Variants in ERBIN observed in about 807,000 individuals in gnomAD.
ERBIN encodes the protein erbb2 interacting protein.
Under a neutral mutation model 158.4 loss-of-function variants are expected in ERBIN, and 60 were observed. That is an observed-to-expected ratio of 0.38 (90% CI 0.31 to 0.47). The LOEUF is 0.47. ERBIN is among the 20% of genes least tolerant of loss of function. ERBIN has a pLI of 0.99. For synonymous variants in ERBIN, 594 were observed against 557.2 expected, an observed-to-expected ratio of 1.07 and a Z score of -0.93; for missense variants, 1,610 against 1,648.0, an observed-to-expected ratio of 0.98 and a Z score of 0.40.
intron 7 of ERBIN, among the ~76,000 whole-genome samples, chr5:66,019,621 G>T (rs1195389606): frequency 3.3e-5 from 5 of 152,104 alleles, no homozygotes; most frequent in Non-Finnish European, 7.4e-5. Context: ...AGTTGAGGTG[G>T]AGACTCTTTT....
chr5:66,004,387 T>G (rs534354866), intron 4 of ERBIN, among the ~76,000 whole-genome samples: 1 of 151,982 alleles, frequency 6.6e-6, no homozygotes, highest in Non-Finnish European at 1.5e-5. Flanking sequence ...TGCGTGTGTG[T>G]GTGCGCGCGC....
At chr5:65,962,113 G>GT (rs947476184) in intron 1 of ERBIN, among the ~76,000 whole-genome samples, 22 of 152,268 alleles carry the variant, frequency 1.4e-4, no homozygotes, top group African/African-American at 5.1e-4. Context: ...ATTGTTATTT[G>GT]TAAATGTATA....
chr5:65,929,182 T>C (rs1334702313), intron 1 of ERBIN, among the ~76,000 whole-genome samples: 1 of 152,234 alleles, frequency 6.6e-6, no homozygotes, highest in East Asian at 1.9e-4. Context: ...GTGATAACTA[T>C]AGATACATTA....
intron 7 of ERBIN, 31 bp downstream of exon 7, chr5:66,014,756 T>C: frequency 3.6e-6 from 4 of 1,096,330 alleles, no homozygotes; most frequent in Non-Finnish European, 5.1e-6. Context: ...TTAAAAAACT[T>C]AATTTATAAT....
chr5:66,076,997 T>C lies in ERBIN; in HGVS notation c.4131+48T>C, dbSNP rs1486261270. On this transcript the variant is annotated intron_variant, in intron 25 of 25. Transcript: ENST00000284037. ...TTTTTCATTTTATAACACTCTAATG[T>C]TTTCACAGTTTAAAATGTTTTCACT... 4.6e-6 allele frequency: 6 copies of C among 1,306,350 alleles called. No individual in the cohort carries two copies. The East Asian group carries it at 7.2e-5, about 16-fold the overall frequency. 80.9% of individuals were successfully genotyped at this position (1,306,350 alleles called of 1,614,324 possible). A position where few individuals can be genotyped will look rare whatever the true frequency, so the allele number is the denominator to read the frequency against.
chr5:65,978,394 G>A (rs910191506), intron 1 of ERBIN, among the ~76,000 whole-genome samples: 1 of 152,040 alleles, frequency 6.6e-6, no homozygotes, highest in Non-Finnish European at 1.5e-5. Context: ...AAAAAAAATT[G>A]AGGCTCTCTT....
chr5:66,014,806 C>T, intron 7 of ERBIN, 81 bp downstream of exon 7: 2 of 639,386 alleles, frequency 3.1e-6, no homozygotes, highest in Admixed American at 3.9e-5. Context: ...ATTTTTATTA[C>T]CTAAAATGTG....
chr5:66,006,982 C>T (rs1309848282), intron 4 of ERBIN, among the ~76,000 whole-genome samples: 6 of 82,324 alleles, frequency 7.3e-5, no homozygotes, highest in Non-Finnish European at 1.1e-4. Context: ...GTCAGTGTGG[C>T]GATTCCTTAG....
chr5:66,035,322 A>G (rs1008660311), intron 14 of ERBIN, among the ~76,000 whole-genome samples: 1 of 152,144 alleles, frequency 6.6e-6, no homozygotes, highest in South Asian at 2.1e-4. Flanking sequence ...AAAATTGAGT[A>G]TACCACGTTC....
intron 22 of ERBIN, among the ~76,000 whole-genome samples, chr5:66,073,396 A>G (rs1411116267): frequency 2.0e-5 from 3 of 150,048 alleles, no homozygotes; most frequent in Non-Finnish European, 4.4e-5. Context: ...CAAGTAATAA[A>G]CAGGTTTTTT....
chr5:65,927,913 G>A (rs1035106010), intron 1 of ERBIN, among the ~76,000 whole-genome samples: 1 of 151,808 alleles, frequency 6.6e-6, no homozygotes, highest in Non-Finnish European at 1.5e-5. Context: ...TTTTTTTCCC[G>A]GTATTTTTGC....
chr5:66,037,044 A>T (rs1008064601), intron 14 of ERBIN, among the ~76,000 whole-genome samples: 1 of 152,192 alleles, frequency 6.6e-6, no homozygotes, highest in Admixed American at 6.5e-5. Flanking sequence ...AACAATTACA[A>T]CAGTTTTAGA....
intron 7 of ERBIN, among the ~76,000 whole-genome samples, chr5:66,019,113 A>C (rs760150703): frequency 1.3e-5 from 2 of 152,144 alleles, no homozygotes; most frequent in Admixed American, 1.3e-4. Flanking sequence ...AGATTTTTCT[A>C]GGTATAAGAT....
rs558874703 is a variant in ERBIN, at chr5:66,071,766, A to G, written c.3634-403A>G. 1.1e-4 allele frequency among the ~76,000 whole-genome samples: 17 copies of G among 151,186 alleles called. No individual in the cohort carries two copies. In the South Asian group the frequency reaches 3.1e-3, roughly 28 times the overall value. On this transcript the variant is annotated intron_variant, in intron 21 of 25. Coordinates refer to ENST00000284037, the MANE Select transcript of ERBIN (RefSeq NM_001253697.2). ...TACCAAAAATCTTTTTATAGTGCTC[A>G]ACATGAGTGTGTTTTAGTTGGTCTT... is the stretch of plus-strand genomic sequence containing the variant.
chr5:65,948,251 T>C (rs1225495567), intron 1 of ERBIN, among the ~76,000 whole-genome samples: 4 of 152,072 alleles, frequency 2.6e-5, no homozygotes, highest in East Asian at 1.9e-4. Flanking sequence ...GGTTGATCAC[T>C]GCAGCCTGGG....
intron 4 of ERBIN, among the ~76,000 whole-genome samples, chr5:66,008,606 CTT>C (rs1309992452): frequency 1.3e-5 from 2 of 151,994 alleles, no homozygotes; most frequent in African/African-American, 4.8e-5. Context: ...ATTATATAGT[CTT>C]AGGTCTTTTT....
At chr5:65,977,245 G>A (rs1212297691) in intron 1 of ERBIN, among the ~76,000 whole-genome samples, 119 of 146,972 alleles carry the variant, frequency 8.1e-4, no homozygotes, top group African/African-American at 3.0e-3. Flanking sequence ...CGGGCGGGGG[G>A]CTGACCCCCC....
At chr5:66,017,977 T>A (rs567881834) in intron 7 of ERBIN, among the ~76,000 whole-genome samples, 1 of 152,220 alleles carries the variant, frequency 6.6e-6, no homozygotes, top group African/African-American at 2.4e-5. Flanking sequence ...CGCCTTTTTC[T>A]AGGATGACTT....
rs374532247 is a variant in ERBIN, at chr5:66,073,400, G to A, written c.3756+1109G>A. On this transcript the variant is annotated intron_variant, in intron 22 of 25. Coordinates refer to ENST00000284037, the MANE Select transcript of ERBIN (RefSeq NM_001253697.2). ...TCTACAGTGATCAAGTAATAAACAGGTTTTTTTCCTCCAGAAATGTAGGGC... is the reference window on the plus strand; with the variant it reads ...TCTACAGTGATCAAGTAATAAACAGATTTTTTTCCTCCAGAAATGTAGGGC... Among the ~76,000 whole-genome samples, 326 of 152,050 alleles carry A rather than the reference G, an allele frequency of 2.1e-3. 1 individual carries two copies. The highest frequency in any genetic ancestry group is 7.7e-3 in the African/African-American group (320 of 41,434).
Sources: allele counts gnomAD v4.1 joint callset (sites outside exome capture counted in the v4.1 genomes callset), GRCh38; gene constraint gnomAD v4.1.1; transcripts MANE v1.5; gene names NCBI Gene and HGNC (gene_info 2026-07-23, HGNC 2026-07-21).